ATP8B1: variants seen among roughly 807,000 people sequenced by gnomAD.
The protein encoded by ATP8B1 is ATPase phospholipid transporting 8B1, also known as phospholipid-transporting ATPase IC.
A neutral mutation model predicts 149.9 loss-of-function variants in ATP8B1; 80 were observed. That is an observed-to-expected ratio of 0.53 (90% confidence interval 0.45 to 0.64). ATP8B1 has a LOEUF of 0.64. ATP8B1 is among the 30% of genes least tolerant of loss of function. The pLI, the probability that ATP8B1 is intolerant of heterozygous loss-of-function variation, is 0.00. For missense variants in ATP8B1, 1,247 were observed against 1,552.6 expected (o/e 0.80, Z 3.31); for synonymous variants, 536 against 562.8 (o/e 0.95, Z 0.67).
intron 2 of ATP8B1, among the ~76,000 whole-genome samples, chr18:57,728,043 A>C (rs2079726080): frequency 6.6e-6 from 1 of 152,064 alleles, no homozygotes; most frequent in African/African-American, 2.4e-5. Flanking sequence ...CTTCCTTCTC[A>C]CAAAACACAA....
At chr18:57,773,997 G>A (rs558545388) in intron 1 of ATP8B1, among the ~76,000 whole-genome samples, 16 of 152,250 alleles carry the variant, frequency 1.1e-4, no homozygotes, top group African/African-American at 3.1e-4. Flanking sequence ...TCCTCGGCTC[G>A]AAACTCTGCA....
At chr18:57,790,867 C>T (rs555886962) in intron 1 of ATP8B1, among the ~76,000 whole-genome samples, 140 of 152,128 alleles carry the variant, frequency 9.2e-4, no homozygotes, top group Non-Finnish European at 1.4e-3. Context: ...ATTACAGGCA[C>T]GCACCACCAC....
chr18:57,661,629 GTGTA>G (rs1444743299), intron 21 of ATP8B1, among the ~76,000 whole-genome samples, 167 bp from the exon 22 acceptor site: 4 of 141,126 alleles, frequency 2.8e-5, no homozygotes, highest in Admixed American at 2.1e-4. Flanking sequence ...ATGTGTGCGT[GTGTA>G]TGTATATACA....
At chr18:57,659,167 T>C (rs1910222523) in intron 22 of ATP8B1, among the ~76,000 whole-genome samples, 1 of 152,024 alleles carries the variant, frequency 6.6e-6, no homozygotes, top group Non-Finnish European at 1.5e-5. Flanking sequence ...TCCCAGCTAC[T>C]TGGGAGGCTG....
intron 26 of ATP8B1, 145 bp from the exon 27 acceptor site, chr18:57,650,642 A>G (rs1173317972): frequency 2.1e-6 from 2 of 948,156 alleles, no homozygotes; most frequent in Admixed American, 2.1e-5. Context: ...CAGGAGTTCG[A>G]GACCAGCCTG....
At chr18:57,710,821 G>T (rs1047238628) in intron 2 of ATP8B1, among the ~76,000 whole-genome samples, 1 of 152,108 alleles carries the variant, frequency 6.6e-6, no homozygotes, top group Non-Finnish European at 1.5e-5. Flanking sequence ...TTTTAGTAGA[G>T]ACCGGGTTTC....
In ATP8B1 at chr18:57,648,537, G is replaced by A. The variant is rs573510317; in HGVS notation, c.3707C>T (p.Ala1236Val). 1 of 1,611,512 alleles carries A rather than the reference G, an allele frequency of 6.2e-7. No homozygotes were observed. ...CTCCGCGGTGCCATCCGCCACGATG[G>A]CATCAAGCGGCGAGCGCTTCTTGCG... ...SIRKKRSPLDAIVADGTAEYR... is the reference protein window; with the variant it reads ...SIRKKRSPLDVIVADGTAEYR... The change falls in exon 28 of 28, where the codon GCC becomes GTC. Residue 1236 changes from alanine (A) to valine (V), a missense_variant. Around this residue, in one of 3 missense-constraint regions of ATP8B1, gnomAD observed 164 missense variants for 160.3 expected, o/e 1.02. Transcript: ENST00000648908.
chr18:57,712,918 C>T (rs1301740095), intron 2 of ATP8B1, among the ~76,000 whole-genome samples: 2 of 151,912 alleles, frequency 1.3e-5, no homozygotes, highest in Admixed American at 6.6e-5. Context: ...CCTTGCAGGG[C>T]AAGGACCCAG....
intron 6 of ATP8B1, 45 bp from the exon 7 acceptor site, chr18:57,697,912 A>G (rs749092398): frequency 6.7e-7 from 1 of 1,483,756 alleles, no homozygotes; most frequent in Non-Finnish European, 9.4e-7. Context: ...TTTAAGTTAC[A>G]GGCAAGGGAA....
intron 1 of ATP8B1, among the ~76,000 whole-genome samples, chr18:57,782,936 C>T (rs1034581010): frequency 2.7e-5 from 4 of 150,156 alleles, no homozygotes; most frequent in African/African-American, 9.8e-5. Context: ...GCTCAACCTC[C>T]CGAGTAGCTG....
chr18:57,699,887 C>G (rs1913033807), intron 6 of ATP8B1, among the ~76,000 whole-genome samples: 1 of 152,140 alleles, frequency 6.6e-6, no homozygotes, highest in South Asian at 2.1e-4. Flanking sequence ...TACCTACCTA[C>G]ACTGGTAAAG....
In ATP8B1 at chr18:57,701,286, A is replaced by C. The variant is rs1397877990; in HGVS notation, c.421T>G (p.Trp141Gly). The change falls in exon 5 of 28, where the codon TGG becomes GGG. Residue 141 changes from tryptophan to glycine, a missense_variant. This residue lies in a region of ATP8B1 where 853 missense variants were observed against 1,035.7 expected (regional missense o/e 0.82). Coordinates refer to ENST00000648908, the MANE Select transcript of ATP8B1 (RefSeq NM_001374385.1). ...QAVPQISTLA[W>G]YTTLVPLLVV... ...AGCAGGGGCACTAGTGTGGTGTACCAAGCCAGGGTAGAGATTTGAGGAACT... is the reference window on the plus strand; with the variant it reads ...AGCAGGGGCACTAGTGTGGTGTACCCAGCCAGGGTAGAGATTTGAGGAACT... The C allele has an allele frequency of 6.2e-7, 1 of 1,614,196 alleles. No individual in the cohort carries two copies. Among genetic ancestry groups the C allele is most frequent in the Non-Finnish European group, 8.5e-7 (1 of 1,180,016 alleles).
chr18:57,731,939 A>ATG, intron 1 of ATP8B1, 107 bp from the exon 2 acceptor site: 1 of 1,062,904 alleles, frequency 9.4e-7, no homozygotes, highest in Admixed American at 1.7e-5. Context: ...ATTGTCTAAC[A>ATG]TGTAAATATT....
intron 1 of ATP8B1, among the ~76,000 whole-genome samples, chr18:57,751,635 C>T (rs891876368): frequency 6.6e-6 from 1 of 152,038 alleles, no homozygotes; most frequent in Non-Finnish European, 1.5e-5. Flanking sequence ...TGTTGTGCTT[C>T]ATTATAGAAA....
intron 20 of ATP8B1, among the ~76,000 whole-genome samples, chr18:57,665,175 T>C (rs1910774401): frequency 6.6e-6 from 1 of 151,632 alleles, no homozygotes; most frequent in Non-Finnish European, 1.5e-5. Context: ...TCCACATCAA[T>C]TTAATTCTCA....
rs1270164219 is a variant in ATP8B1, at chr18:57,756,236, C to CACACACATAT, written c.-25-24405_-25-24404insATATGTGTGT. Among the ~76,000 whole-genome samples the CACACACATAT allele has an allele frequency of 8.0e-3, 853 of 106,072 alleles. 23 individuals are homozygous for CACACACATAT. Among genetic ancestry groups the CACACACATAT allele is most frequent in the East Asian group, 0.065 (310 of 4,746 alleles). The allele number at this position is 106,072 out of a possible 152,430, so 69.6% of individuals were successfully genotyped here. ...ACACACACACACACACACACACACA[C>CACACACATAT]ATATATACACACACACATATATATA... On this transcript the variant is annotated intron_variant, in intron 1 of 27. Transcript: ENST00000648908.
In ATP8B1 at chr18:57,784,387, G is replaced by A. The variant is rs1362509851; in HGVS notation, c.-26+18611C>T. Among the ~76,000 whole-genome samples, 1 of 152,172 alleles carries A rather than the reference G, an allele frequency of 6.6e-6. No individual in the cohort carries two copies. Among genetic ancestry groups the A allele is most frequent in the Non-Finnish European group, 1.5e-5 (1 of 68,034 alleles). ...GTAGCCCTCATGTAAGAAGGCTACT[G>A]GAATGGTCCAGGAGAGGGAGGATGA... On this transcript the variant is annotated intron_variant, in intron 1 of 27. Transcript: ENST00000648908. The surrounding 1 kb of genome is among the most constrained non-coding windows in gnomAD (Gnocchi z 4.4).
chr18:57,705,846 C>T (rs1318933706), intron 3 of ATP8B1, among the ~76,000 whole-genome samples: 2 of 152,028 alleles, frequency 1.3e-5, no homozygotes, highest in African/African-American at 2.4e-5. Flanking sequence ...ACATTTAAGC[C>T]CACACTTAAT....
At chr18:57,687,872 C>T (rs888093160) in intron 13 of ATP8B1, among the ~76,000 whole-genome samples, 5 of 150,830 alleles carry the variant, frequency 3.3e-5, no homozygotes, top group Admixed American at 1.3e-4. Flanking sequence ...CTCTGCCTCC[C>T]GGGTTCAAGC....
Sources: gnomAD v4.1 joint callset for allele counts (sites outside exome capture counted in the v4.1 genomes callset) on GRCh38, gnomAD v4.1.1 for gene constraint, gnomAD v4.1.1 regional missense constraint, Gnocchi (gnomAD v3.1) non-coding constraint, MANE v1.5 for transcripts, NCBI Gene and HGNC (gene_info 2026-07-23, HGNC 2026-07-21) for gene names.